Variants in PDE8A observed in about 807,000 individuals in gnomAD.
PDE8A encodes high affinity cAMP-specific and IBMX-insensitive 3',5'-cyclic phosphodiesterase 8A.
Under a neutral mutation model 105.0 loss-of-function variants are expected in PDE8A, and 59 were observed. That is an observed-to-expected ratio of 0.56 (90% CI 0.46 to 0.70). The LOEUF (loss-of-function observed/expected upper bound fraction) is 0.70. Among genes scored for constraint, PDE8A ranks in the 30% least tolerant of loss-of-function variants. PDE8A has a pLI of 0.00. For synonymous variants in PDE8A, 355 were observed against 371.9 expected (o/e 0.95, Z 0.52); for missense variants, 1,014 against 1,045.9 (o/e 0.97, Z 0.42).
At chr15:85,019,089 G>T (rs1359006437) in intron 1 of PDE8A, among the ~76,000 whole-genome samples, 3 of 152,214 alleles carry the variant, frequency 2.0e-5, no homozygotes, top group Admixed American at 6.5e-5. Context: ...TAAAGAGGTT[G>T]CCCTTTGGTG....
intron 1 of PDE8A, among the ~76,000 whole-genome samples, chr15:85,027,096 A>G (rs1385999602): frequency 6.6e-6 from 1 of 152,200 alleles, no homozygotes; most frequent in East Asian, 1.9e-4. Context: ...TTTGCCTGTA[A>G]GAACAAAAAG....
intron 1 of PDE8A, among the ~76,000 whole-genome samples, chr15:84,990,302 A>G (rs2079866379): frequency 6.6e-6 from 1 of 151,942 alleles, no homozygotes; most frequent in Non-Finnish European, 1.5e-5. Flanking sequence ...ACAAATGTAT[A>G]TGTCTATGTA....
intron 1 of PDE8A, among the ~76,000 whole-genome samples, chr15:84,995,981 A>G (rs1009159571): frequency 1.3e-5 from 2 of 152,022 alleles, no homozygotes; most frequent in African/African-American, 4.8e-5. Context: ...TCTCCCTAGT[A>G]TGTTTTGGAC....
intron 1 of PDE8A, among the ~76,000 whole-genome samples, chr15:85,013,483 C>G (rs1380208768): frequency 6.6e-6 from 1 of 152,136 alleles, no homozygotes; most frequent in Admixed American, 6.5e-5. Flanking sequence ...TTAGCTCTTT[C>G]TTCCTCTCCT....
chr15:85,066,784 C>G (rs1324329309), intron 2 of PDE8A, among the ~76,000 whole-genome samples: 1 of 151,932 alleles, frequency 6.6e-6, no homozygotes, highest in Non-Finnish European at 1.5e-5. Flanking sequence ...ACTAAAAATA[C>G]AAAAATTAGC....
At chr15:84,993,478 C>T (rs1390217790) in intron 1 of PDE8A, among the ~76,000 whole-genome samples, 2 of 147,256 alleles carry the variant, frequency 1.4e-5, no homozygotes, top group African/African-American at 5.0e-5. Flanking sequence ...ACAAGGATCA[C>T]TTAAATTGTA....
In PDE8A at chr15:85,113,876, A is replaced by G. The variant is rs769665787; in HGVS notation, c.1189A>G (p.Ile397Val). Residue 397 changes from isoleucine (I) to valine (V), a missense_variant, in exon 14 of 22, where the codon ATC (isoleucine) becomes GTC (valine). Coordinates refer to ENST00000394553, the MANE Select transcript of PDE8A (RefSeq NM_002605.3). ...MTIEAPITKV[I>V]NIINAAQESS... ...GTATTTTCTTTCCATAATGTAGGTA[A>G]TCAATATTATCAATGCTGCCCAGGA... The G allele has an allele frequency of 5.0e-6, 8 of 1,608,506 alleles. No homozygotes were observed. In the Admixed American group the frequency reaches 1.4e-4, roughly 27 times the overall value.
intron 11 of PDE8A, 130 bp from the exon 12 acceptor site, chr15:85,108,923 T>A: frequency 1.6e-6 from 1 of 628,440 alleles, no homozygotes; most frequent in Non-Finnish European, 2.9e-6. Flanking sequence ...TTCATCTCTG[T>A]ACTGTGTTTA....
chr15:85,104,568 A>G, intron 11 of PDE8A, among the ~76,000 whole-genome samples: 1 of 152,068 alleles, frequency 6.6e-6, no homozygotes, highest in East Asian at 2.0e-4. Context: ...TTACTTAAGT[A>G]TAATCAGTAG....
At chr15:85,044,349 A>G (rs993898426) in intron 1 of PDE8A, among the ~76,000 whole-genome samples, 1 of 81,928 alleles carries the variant, frequency 1.2e-5, no homozygotes, top group African/African-American at 4.8e-5. Context: ...AAAATCAGGA[A>G]CAGGTAGGGG....
At chr15:85,012,832 A>G (rs189830909) in intron 1 of PDE8A, among the ~76,000 whole-genome samples, 7 of 152,348 alleles carry the variant, frequency 4.6e-5, no homozygotes, top group Admixed American at 3.3e-4. Context: ...AAATGATTAT[A>G]TAATACCCAG....
chr15:85,043,712 T>G (rs542453857), intron 1 of PDE8A, among the ~76,000 whole-genome samples: 9 of 149,098 alleles, frequency 6.0e-5, no homozygotes, highest in Non-Finnish European at 5.9e-5. Context: ...TTGTTTGTTT[T>G]TTTGAGGCAG....
At chr15:85,031,628 T>G (rs1168329152) in intron 1 of PDE8A, among the ~76,000 whole-genome samples, 1 of 152,178 alleles carries the variant, frequency 6.6e-6, no homozygotes, top group Non-Finnish European at 1.5e-5. Context: ...CCTAGCTGTG[T>G]GACTGACAAG....
intron 1 of PDE8A, among the ~76,000 whole-genome samples, chr15:85,000,104 T>C (rs1400041614): frequency 2.0e-5 from 3 of 152,208 alleles, no homozygotes; most frequent in African/African-American, 7.2e-5. Context: ...GCAAATTGAA[T>C]AACTTGTCTG....
chr15:85,019,631 G>T (rs1024668003), intron 1 of PDE8A, among the ~76,000 whole-genome samples: 1 of 151,976 alleles, frequency 6.6e-6, no homozygotes, highest in Non-Finnish European at 1.5e-5. Flanking sequence ...ACCCAGGCTG[G>T]TGTGCAATGG....
intron 6 of PDE8A, among the ~76,000 whole-genome samples, chr15:85,088,305 A>G (rs12916129): frequency 0.46 from 69,504 of 152,144 alleles, 15,951 homozygotes; most frequent in Middle Eastern, 0.54. Context: ...GATTAGGGGC[A>G]TGAGCCACTA....
chr15:84,988,364 G>C (rs2079836319), intron 1 of PDE8A, among the ~76,000 whole-genome samples: 2 of 152,302 alleles, frequency 1.3e-5, no homozygotes, highest in African/African-American at 4.8e-5. Flanking sequence ...TCAGGATTTT[G>C]TTAAGTTTCG....
intron 12 of PDE8A, among the ~76,000 whole-genome samples, chr15:85,111,624 G>C (rs958325194): frequency 2.6e-5 from 4 of 152,174 alleles, no homozygotes; most frequent in African/African-American, 9.7e-5. Context: ...CTGATACCTG[G>C]TAGTAGGTAG....
intron 1 of PDE8A, among the ~76,000 whole-genome samples, chr15:85,055,921 T>C (rs1337837998): frequency 6.6e-6 from 1 of 152,228 alleles, no homozygotes; most frequent in Non-Finnish European, 1.5e-5. Context: ...CTTTACAATT[T>C]GGCATGTTTT....
Sources: allele counts gnomAD v4.1 joint callset (sites outside exome capture counted in the v4.1 genomes callset), GRCh38; gene constraint gnomAD v4.1.1; transcripts MANE v1.5; gene names NCBI Gene and HGNC (gene_info 2026-07-23, HGNC 2026-07-21).